Variants in PRUNE2 observed in about 807,000 individuals in gnomAD.
PRUNE2 encodes the protein prune homolog 2 with BCH domain.
A neutral mutation model predicts 252.0 loss-of-function variants in PRUNE2; 164 were observed. The ratio of observed to expected loss-of-function variants is 0.65; its 90% CI spans 0.57 to 0.74. The LOEUF (loss-of-function observed/expected upper bound fraction) is 0.74, where lower values mean the gene tolerates loss of function less well. Ranked by LOEUF, PRUNE2 falls within the 30% of genes least tolerant of loss-of-function variation. The pLI is 0.00. For missense variants in PRUNE2, 3,495 were observed against 3,711.0 expected (o/e 0.94, Z 1.51); for synonymous variants, 1,292 against 1,350.2 (o/e 0.96, Z 0.94).
At chr9:76,717,581 C>G (rs75379954) in intron 6 of PRUNE2, among the ~76,000 whole-genome samples, 1 of 152,062 alleles carries the variant, frequency 6.6e-6, no homozygotes, top group Non-Finnish European at 1.5e-5. Context: ...ATGTTCCCCC[C>G]ACTTAAATTA....
At chr9:76,619,292 A>G (rs766616594) in intron 18 of PRUNE2, 48 bp downstream of exon 18, 1 of 1,281,892 alleles carries the variant, frequency 7.8e-7, no homozygotes, top group Non-Finnish European at 1.1e-6. Flanking sequence ...GCCCAGCCAT[A>G]CAACACTACA....
chr9:76,766,946 T>G (rs1247502783), intron 6 of PRUNE2, among the ~76,000 whole-genome samples: 1 of 152,142 alleles, frequency 6.6e-6, no homozygotes, highest in Non-Finnish European at 1.5e-5. Flanking sequence ...TTTCCTTATT[T>G]ATTGTTTATC....
In PRUNE2 at chr9:76,712,382, G is replaced by A. The variant is rs941483453; in HGVS notation, c.916-1024C>T. Among the ~76,000 whole-genome samples, 6 of 151,866 alleles carry A rather than the reference G, an allele frequency of 4.0e-5. No homozygotes were observed. In the East Asian group the frequency reaches 7.7e-4, roughly 20 times the overall value. ...GCAACCTAGCTGCAAAGGCTGACTC[G>A]GCCAGTGGTGTGACCACACAGGCCA... is the stretch of plus-strand genomic sequence containing the variant. On this transcript the variant is annotated intron_variant, in intron 7 of 18. Coordinates refer to ENST00000376718, the MANE Select transcript of PRUNE2 (RefSeq NM_015225.3).
At chr9:76,824,491 A>G (rs909392822) in intron 5 of PRUNE2, among the ~76,000 whole-genome samples, 2 of 152,232 alleles carry the variant, frequency 1.3e-5, no homozygotes, top group Non-Finnish European at 2.9e-5. Context: ...GGCTCTGACA[A>G]TAAGAGTTAT....
At chr9:76,873,326 T>A (rs1056937151) in intron 1 of PRUNE2, among the ~76,000 whole-genome samples, 1 of 152,176 alleles carries the variant, frequency 6.6e-6, no homozygotes, top group African/African-American at 2.4e-5. Flanking sequence ...AGATTTTCCA[T>A]AATAAAAGTT....
intron 1 of PRUNE2, among the ~76,000 whole-genome samples, chr9:76,889,031 C>T (rs1038636504): frequency 1.3e-5 from 2 of 151,918 alleles, no homozygotes; most frequent in East Asian, 1.9e-4. Context: ...TTAGTAGAGA[C>T]GGGGTTTCAC....
chr9:76,814,929 A>G (rs2057588417), intron 6 of PRUNE2, among the ~76,000 whole-genome samples: 1 of 152,190 alleles, frequency 6.6e-6, no homozygotes, highest in Non-Finnish European at 1.5e-5. Flanking sequence ...CTCCTCCCAT[A>G]GTTTTCCTCC....
intron 6 of PRUNE2, among the ~76,000 whole-genome samples, chr9:76,719,797 C>A (rs1381339696): frequency 6.6e-6 from 1 of 151,942 alleles, no homozygotes; most frequent in African/African-American, 2.4e-5. Context: ...CAGGCGTGCA[C>A]CACCATGCCC....
intron 9 of PRUNE2, among the ~76,000 whole-genome samples, chr9:76,671,731 G>A (rs546569239): frequency 0.015 from 2,231 of 151,392 alleles, 33 homozygotes; most frequent in South Asian, 0.053. Flanking sequence ...AGCCAGAAGA[G>A]AGTGGGGGCC....
At chr9:76,659,024 G>A (rs535295709) in intron 9 of PRUNE2, among the ~76,000 whole-genome samples, 3 of 152,312 alleles carry the variant, frequency 2.0e-5, no homozygotes, top group Admixed American at 2.0e-4. Flanking sequence ...AGGCTTAGGA[G>A]CAAGCGTGTG....
At chr9:76,822,224 T>A (rs942378050) in intron 6 of PRUNE2, among the ~76,000 whole-genome samples, 1 of 152,186 alleles carries the variant, frequency 6.6e-6, no homozygotes, top group South Asian at 2.1e-4. Flanking sequence ...GGAGCACTTA[T>A]CAATCTGAAA....
At chr9:76,795,321 T>C (rs1178382317) in intron 6 of PRUNE2, among the ~76,000 whole-genome samples, 1 of 152,112 alleles carries the variant, frequency 6.6e-6, no homozygotes, top group Non-Finnish European at 1.5e-5. Flanking sequence ...ACCATAACTA[T>C]GGTCACCAAA....
chr9:76,653,565 G>T (rs1225762007), intron 10 of PRUNE2, among the ~76,000 whole-genome samples: 2 of 151,992 alleles, frequency 1.3e-5, no homozygotes, highest in Non-Finnish European at 2.9e-5. Flanking sequence ...CCACGGATTT[G>T]GAACCATGGA....
At position 76,832,007 on chromosome 9, in the gene PRUNE2, A is replaced by G. The variant is rs558576698; in HGVS notation, c.509-5275T>C. ...AACGGACTACAAAACAAGAAGAATT[A>G]CATGAGATTAAGATAAATATTTCTA... On this transcript the variant is annotated intron_variant, in intron 4 of 18. Coordinates refer to ENST00000376718, the MANE Select transcript of PRUNE2 (RefSeq NM_015225.3). Among the ~76,000 whole-genome samples the G allele has an allele frequency of 1.2e-4, 18 of 152,312 alleles. No individual in the cohort carries two copies. In the South Asian group the frequency reaches 3.5e-3, roughly 30 times the overall value.
At chr9:76,678,399 G>C (rs1245320164) in intron 9 of PRUNE2, among the ~76,000 whole-genome samples, 3 of 148,798 alleles carry the variant, frequency 2.0e-5, no homozygotes, top group Admixed American at 1.3e-4. Flanking sequence ...GGAAAGGAGG[G>C]AGGAAGGGAG....
intron 1 of PRUNE2, among the ~76,000 whole-genome samples, chr9:76,864,252 A>G (rs776524605): frequency 7.2e-5 from 11 of 152,148 alleles, no homozygotes; most frequent in Non-Finnish European, 1.2e-4. Flanking sequence ...CATTGACTCT[A>G]CATGGATGTA....
At chr9:76,626,395 C>G (rs531701255) in intron 16 of PRUNE2, among the ~76,000 whole-genome samples, 6 of 152,142 alleles carry the variant, frequency 3.9e-5, no homozygotes, top group Non-Finnish European at 7.3e-5. Flanking sequence ...GGAGCCATGG[C>G]TCGTATCCAT....
In PRUNE2 at chr9:76,774,875, A is replaced by G. The variant is rs149499641; in HGVS notation, c.756+48757T>C. On this transcript the variant is annotated intron_variant, in intron 6 of 18. Transcript: ENST00000376718. The stretch of plus-strand genomic sequence containing the variant: ...TTGTAGATTTTAGAGACAGAAAAAC[A>G]TGAGTTCAAATTCTGTTACCAGCTA... 2.1e-3 allele frequency among the ~76,000 whole-genome samples: 325 copies of G among 152,304 alleles called. 3 individuals carry two copies. The highest frequency in any genetic ancestry group is 7.6e-3 in the African/African-American group (316 of 41,562).
At chr9:76,724,261 C>A (rs1355113213) in intron 6 of PRUNE2, among the ~76,000 whole-genome samples, 2 of 142,534 alleles carry the variant, frequency 1.4e-5, no homozygotes, top group Non-Finnish European at 3.0e-5. Context: ...AAGGTCGAGA[C>A]CAGCTTGGGC....
Sources: allele counts gnomAD v4.1 joint callset (sites outside exome capture counted in the v4.1 genomes callset), GRCh38; gene constraint gnomAD v4.1.1; transcripts MANE v1.5; gene names NCBI Gene and HGNC (gene_info 2026-07-23, HGNC 2026-07-21).